SLCO4A1: variants seen among roughly 807,000 people sequenced by gnomAD.
SLCO4A1 encodes colon organic anion transporter.
SLCO4A1 carries 51 observed loss-of-function variants against 64.6 expected under a neutral mutation model. That is an observed-to-expected ratio of 0.79 (90% confidence interval 0.63 to 1.00). The LOEUF (loss-of-function observed/expected upper bound fraction) is 1.00. SLCO4A1 is among the 50% of genes least tolerant of loss of function. SLCO4A1 has a pLI of 0.00. For synonymous variants in SLCO4A1, 471 were observed against 444.9 expected, an observed-to-expected ratio of 1.06 and a Z score of -0.74; for missense variants, 919 against 980.5, an observed-to-expected ratio of 0.94 and a Z score of 0.84.
chr20:62,671,006 C>T (rs1252529069), intron 11 of SLCO4A1, among the ~76,000 whole-genome samples: 1 of 152,262 alleles, frequency 6.6e-6, no homozygotes, highest in Non-Finnish European at 1.5e-5. Context: ...AGCATCCGTG[C>T]TTGGACCTCA....
intron 6 of SLCO4A1, among the ~76,000 whole-genome samples, 199 bp from the exon 7 acceptor site, chr20:62,666,181 T>C (rs972298252): frequency 4.0e-5 from 5 of 125,592 alleles, no homozygotes; most frequent in South Asian, 3.1e-4. Flanking sequence ...CTGTGGGCTC[T>C]GGACAGAGGT....
intron 1 of SLCO4A1, chr20:62,651,600 A>G (rs1233966533): frequency 2.0e-5 from 3 of 152,224 alleles, no homozygotes; most frequent in Non-Finnish European, 4.4e-5. Flanking sequence ...TGAGCTTTAC[A>G]TATTTATGTC....
Position 62,655,535 on chromosome 20 carries a change from G to T in SLCO4A1, c.-96-824G>T, listed in dbSNP as rs553750765. Among the ~76,000 whole-genome samples the T allele has an allele frequency of 3.3e-5, 5 of 152,332 alleles. No individual in the cohort carries two copies. In the South Asian group the frequency reaches 6.2e-4, roughly 19 times the overall value. Reference sequence around the variant, plus strand: ...CAGGAATTGGTGTGGGGAGTGAGGCGGTGCCCTGTGGAGCCTCGGGATGGT... The same window carrying T: ...CAGGAATTGGTGTGGGGAGTGAGGCTGTGCCCTGTGGAGCCTCGGGATGGT... On this transcript the variant is annotated intron_variant, in intron 1 of 11. Transcript: ENST00000217159.
downstream of SLCO4A1, among the ~76,000 whole-genome samples, chr20:62,685,998 G>A (rs373266706): frequency 3.6e-4 from 55 of 152,304 alleles, no homozygotes; most frequent in African/African-American, 1.3e-3. The surrounding 1 kb of genome is among the most constrained non-coding windows in gnomAD (Gnocchi z 4.6). Flanking sequence ...GATGAGAGCC[G>A]CTGAATTAGC....
intron 2 of SLCO4A1, among the ~76,000 whole-genome samples, chr20:62,658,367 A>C (rs999629610): frequency 1.3e-5 from 2 of 152,210 alleles, no homozygotes; most frequent in African/African-American, 4.8e-5. Context: ...CTGGGCCCCT[A>C]ATTCCTGCCA....
At chr20:62,676,622 A>T (rs1987608201), downstream of SLCO4A1, among the ~76,000 whole-genome samples, 1 of 152,190 alleles carries the variant, frequency 6.6e-6, no homozygotes, top group Non-Finnish European at 1.5e-5. Flanking sequence ...AAAAGCAACA[A>T]ACAAACAAAA....
At position 62,657,025 on chromosome 20, in the gene SLCO4A1, C is replaced by T. The variant is rs1434135205; in HGVS notation, c.571C>T (p.His191Tyr). 6.3e-7 allele frequency: 1 copy of T among 1,587,638 alleles called. No homozygotes were observed. The highest frequency in any genetic ancestry group is 8.6e-7 in the Non-Finnish European group (1 of 1,163,326). Residue 191 changes from histidine (H) to tyrosine (Y), a missense_variant, in exon 2 of 12, where the codon CAC becomes TAC. Physicochemically the swap from His to Tyr is moderately conservative, Grantham distance 83. Coordinates refer to ENST00000217159, the MANE Select transcript of SLCO4A1 (RefSeq NM_016354.4). Reference protein sequence around the residue: ...GTGSLVFALPHFTAGRYEVEL... With the variant: ...GTGSLVFALPYFTAGRYEVEL... ...GGGGTCGCTGGTGTTCGCGCTGCCCCACTTCACGGCTGGCCGCTATGAGGT... is the reference window on the plus strand; with the variant it reads ...GGGGTCGCTGGTGTTCGCGCTGCCCTACTTCACGGCTGGCCGCTATGAGGT...
At chr20:62,678,505 T>G (rs1005191901) in intron 2 of SLCO4A1, among the ~76,000 whole-genome samples, 1 of 151,696 alleles carries the variant, frequency 6.6e-6, no homozygotes, top group African/African-American at 2.4e-5. Flanking sequence ...CAAAATCTTG[T>G]ACACAAATGT....
Position 62,672,164 on chromosome 20 carries a change from G to A in SLCO4A1, c.*271G>A, listed in dbSNP as rs114725229. 3.3e-4 allele frequency: 451 copies of A among 1,350,058 alleles called. 1 individual carries two copies. The African/African-American group carries it at 5.7e-3, about 17-fold the overall frequency. 83.6% of individuals were successfully genotyped at this position (1,350,058 alleles called of 1,614,324 possible). On this transcript the variant is annotated 3_prime_UTR_variant, in exon 12 of 12. Transcript: ENST00000217159. ...TGTTTTATACCCGATCGTGTGTGGTGTGCGTGAGGACAAACTCCGCAGGGG... is the reference window on the plus strand; with the variant it reads ...TGTTTTATACCCGATCGTGTGTGGTATGCGTGAGGACAAACTCCGCAGGGG...
Position 62,656,775 on chromosome 20 carries a change from C to T in SLCO4A1, c.321C>T (p.Phe107=), listed in dbSNP as rs764026334. The T allele has an allele frequency of 1.3e-5, 21 of 1,612,700 alleles. No homozygotes were observed. In the Middle Eastern group the frequency reaches 8.2e-4, roughly 63 times the overall value. Residue 107 remains phenylalanine, a synonymous_variant, in exon 2 of 12, where the codon TTC becomes TTT. Coordinates refer to ENST00000217159, the MANE Select transcript of SLCO4A1 (RefSeq NM_016354.4). The part of the protein sequence containing the change: ...QVLNTPKGIL[F]FLCAAAFLQG... The stretch of plus-strand genomic sequence containing the variant: ...TCAACACGCCCAAGGGCATCCTGTT[C>T]TTCCTGTGTGCGGCCGCATTCCTGC...
At chr20:62,674,490 G>T (rs1407927520), downstream of SLCO4A1, among the ~76,000 whole-genome samples, 2 of 152,218 alleles carry the variant, frequency 1.3e-5, no homozygotes, top group Non-Finnish European at 2.9e-5. Context: ...GTGGAGAAGG[G>T]ATGAGAGGGA....
chr20:62,659,553 T>C (rs1312947135), intron 3 of SLCO4A1, among the ~76,000 whole-genome samples: 1 of 152,174 alleles, frequency 6.6e-6, no homozygotes, highest in Non-Finnish European at 1.5e-5. Flanking sequence ...AGGCTGGAGC[T>C]CGTGTCCCGG....
intron 2 of SLCO4A1, among the ~76,000 whole-genome samples, chr20:62,679,231 T>C (rs915636318): frequency 3.9e-5 from 6 of 152,150 alleles, no homozygotes; most frequent in African/African-American, 1.4e-4. Flanking sequence ...AAAAGTAGCA[T>C]GGCAGAGCTG....
intron 2 of SLCO4A1, among the ~76,000 whole-genome samples, chr20:62,658,167 A>G (rs749635597): frequency 6.6e-6 from 1 of 152,142 alleles, no homozygotes; most frequent in Non-Finnish European, 1.5e-5. Flanking sequence ...CAGCCTCCTC[A>G]TGTCCTCCTT....
intron 5 of SLCO4A1, among the ~76,000 whole-genome samples, chr20:62,662,290 G>A (rs1985116188): frequency 1.3e-5 from 2 of 152,018 alleles, no homozygotes; most frequent in South Asian, 2.1e-4. Context: ...GACCCCATGG[G>A]CCAAGCTGAC....
downstream of SLCO4A1, among the ~76,000 whole-genome samples, chr20:62,688,505 A>G (rs1257208537): frequency 6.6e-6 from 1 of 152,146 alleles, no homozygotes; most frequent in Non-Finnish European, 1.5e-5. Context: ...AATTCTGCCT[A>G]TATTTTCTCG....
intron 2 of SLCO4A1, among the ~76,000 whole-genome samples, chr20:62,681,928 A>G (rs1474112667): frequency 1.3e-5 from 2 of 152,218 alleles, no homozygotes; most frequent in East Asian, 1.9e-4. Flanking sequence ...ACAAGGATGA[A>G]CTAATTTTAT....
At chr20:62,668,354 C>T in intron 9 of SLCO4A1, 123 bp from the exon 10 acceptor site, 2 of 1,278,160 alleles carry the variant, frequency 1.6e-6, no homozygotes, top group Non-Finnish European at 2.3e-6. Flanking sequence ...TGACGAGGGG[C>T]TTCCCACTTG....
At chr20:62,653,133 C>T (rs1982916527) in intron 1 of SLCO4A1, among the ~76,000 whole-genome samples, 1 of 152,256 alleles carries the variant, frequency 6.6e-6, no homozygotes, top group African/African-American at 2.4e-5. Context: ...TTCACAGCAG[C>T]TGCCCGCCTT....
Sources: allele counts gnomAD v4.1 joint callset (sites outside exome capture counted in the v4.1 genomes callset), GRCh38; gene constraint gnomAD v4.1.1; non-coding constraint Gnocchi (gnomAD v3.1); transcripts MANE v1.5; gene names NCBI Gene and HGNC (gene_info 2026-07-23, HGNC 2026-07-21).